The following R3HDM4 variants were observed in gnomAD, a reference collection of about 807,000 sequenced individuals.
R3HDM4 encodes R3H domain containing 4, also known as R3H domain-containing protein 4.
In R3HDM4, 30 loss-of-function variants were observed where a neutral mutation model predicts 31.3. The observed-to-expected ratio is 0.96, with a 90% CI of 0.72 to 1.30. R3HDM4 has a LOEUF of 1.30. Among genes scored for constraint, R3HDM4 ranks in the 50% most tolerant of loss-of-function variants. The probability of loss-of-function intolerance (pLI) is 0.00; values close to 1 mark genes in which losing one functional copy is unlikely to be tolerated. For synonymous variants in R3HDM4, 196 were observed against 156.6 expected, an observed-to-expected ratio of 1.25 and a Z score of -1.88; for missense variants, 444 against 366.1, an observed-to-expected ratio of 1.21 and a Z score of -1.74.
chr19:899,637 G>C lies in R3HDM4; in HGVS notation c.611C>G (p.Ser204Cys). The change falls in exon 6 of 8, where the codon TCC becomes TGC. Residue 204 changes from serine to cysteine, a missense_variant. Transcript: ENST00000361574. This position sits in a 1 kb window ranked among gnomAD's most constrained non-coding sequence, Gnocchi z 6.8. The part of the protein sequence containing the change: ...EERLLRFFSV[S>C]PQAVYTAMLD... Reference sequence around the variant, plus strand: ...CATTGCTGTGTACACGGCCTGGGGGGACACGGAGAAGAACCGAAGCAGCCG... The same window carrying C: ...CATTGCTGTGTACACGGCCTGGGGGCACACGGAGAAGAACCGAAGCAGCCG... 1 of 1,607,972 alleles carries C rather than the reference G, an allele frequency of 6.2e-7. No homozygotes were observed. Among genetic ancestry groups the C allele is most frequent in the South Asian group, 1.1e-5 (1 of 90,912 alleles).
In R3HDM4 at chr19:896,941, C is replaced by T. The variant is rs1007398204; in HGVS notation, c.*496G>A. On this transcript the variant is annotated 3_prime_UTR_variant, in exon 8 of 8. Transcript: ENST00000361574. This position sits in a 1 kb window ranked among gnomAD's most constrained non-coding sequence, Gnocchi z 4.0. ...ATGCTTCTGGCATGAGGGGCAGGGT[C>T]CCAGAGACCCCACCCTCATTCAAGC... The T allele has an allele frequency of 6.4e-6, 1 of 155,494 alleles. No individual in the cohort carries two copies. The allele number at this position is 155,494 out of a possible 1,614,324, so 9.6% of individuals were successfully genotyped here.
In R3HDM4 at chr19:907,456, G is replaced by A. The variant is rs1040476508; in HGVS notation, c.72-5326C>T. ...AGCCCTCGGGGAAGTCAGAGGGGGC[G>A]GGGCTCGGTGACACAGCTCAAGCCC... On this transcript the variant is annotated intron_variant, in intron 1 of 7. Transcript: ENST00000361574. The surrounding 1 kb of genome is among the most constrained non-coding windows in gnomAD (Gnocchi z 4.1). 5.3e-5 allele frequency among the ~76,000 whole-genome samples: 8 copies of A among 152,080 alleles called. No homozygotes were observed. Among genetic ancestry groups the A allele is most frequent in the South Asian group, 2.1e-4 (1 of 4,822 alleles).
intron 7 of R3HDM4, among the ~76,000 whole-genome samples, chr19:897,771 G>A (rs950837828): frequency 6.6e-5 from 10 of 152,206 alleles, no homozygotes; most frequent in South Asian, 2.1e-4. Flanking sequence ...CTCACTCCCC[G>A]CTGGCACTCA....
chr19:905,661 G>T, intron 1 of R3HDM4, among the ~76,000 whole-genome samples: 1 of 150,338 alleles, frequency 6.7e-6, no homozygotes. Flanking sequence ...CTCCAGCCTG[G>T]GCGACAGAGC....
chr19:897,384 C>T lies in R3HDM4; in HGVS notation c.*53G>A, dbSNP rs551876745. The T allele has an allele frequency of 9.7e-6, 13 of 1,333,956 alleles. No individual in the cohort carries two copies. Among genetic ancestry groups the T allele is most frequent in the East Asian group, 4.9e-5 (2 of 41,096 alleles). The allele number at this position is 1,333,956 out of a possible 1,614,324, so 82.6% of individuals were successfully genotyped here. ...TGAAAGATATTTTAGCCGAAGGTATCGGAGGGCTTGATGGCTGGGCGAGGT... is the reference window on the plus strand; with the variant it reads ...TGAAAGATATTTTAGCCGAAGGTATTGGAGGGCTTGATGGCTGGGCGAGGT... On this transcript the variant is annotated 3_prime_UTR_variant, in exon 8 of 8. Coordinates refer to ENST00000361574, the MANE Select transcript of R3HDM4 (RefSeq NM_138774.4).
At chr19:903,530 G>A (rs1202525100) in intron 1 of R3HDM4, among the ~76,000 whole-genome samples, 1 of 152,026 alleles carries the variant, frequency 6.6e-6, no homozygotes, top group African/African-American at 2.4e-5. Flanking sequence ...GGCGCGCACC[G>A]CAGCCACCCG....
rs1208768013 is a variant in R3HDM4, at chr19:901,197, G to A, written c.351+225C>T. On this transcript the variant is annotated intron_variant, in intron 3 of 7. Transcript: ENST00000361574. ...GAAACACTCCTGCAATCGTTGGAGG[G>A]TTCCCAAACGTGTTGGGCAGGTGAA... The A allele has an allele frequency of 1.7e-5, 11 of 665,428 alleles. No homozygotes were observed. The East Asian group carries it at 2.8e-4, about 17-fold the overall frequency. 41.2% of individuals were successfully genotyped at this position (665,428 alleles called of 1,614,324 possible). A position where few individuals can be genotyped will look rare whatever the true frequency, so the allele number is the denominator to read the frequency against.
intron 2 of R3HDM4, 31 bp from the exon 3 acceptor site, chr19:901,577 G>A: frequency 6.3e-7 from 1 of 1,585,260 alleles, no homozygotes; most frequent in Non-Finnish European, 8.6e-7. Context: ...TCTGGGCCGG[G>A]GTGGCATTTG....
In R3HDM4 at chr19:908,889, C is replaced by T. The variant is rs1360699977; in HGVS notation, c.71+4198G>A. Reference sequence around the variant, plus strand: ...GGCCCACAGAACAAGACAGGGTCCGCCCCCCGCCCACCGCCGCCCCCCGGT... The same window carrying T: ...GGCCCACAGAACAAGACAGGGTCCGTCCCCCGCCCACCGCCGCCCCCCGGT... On this transcript the variant is annotated intron_variant, in intron 1 of 7. Transcript: ENST00000361574. Among the ~76,000 whole-genome samples the T allele has an allele frequency of 2.0e-5, 3 of 152,234 alleles. No homozygotes were observed. In the South Asian group the frequency reaches 6.2e-4, roughly 32 times the overall value.
At chr19:901,053 G>A (rs949816822) in intron 3 of R3HDM4, 101 bp from the exon 4 acceptor site, 2 of 1,390,110 alleles carry the variant, frequency 1.4e-6, no homozygotes, top group Non-Finnish European at 1.9e-6. Context: ...ACGTGGACGC[G>A]CTCCTGCGGT....
rs896204381 is a variant in R3HDM4 at position 913,178 on chromosome 19, C to T, written c.-21G>A. On this transcript the variant is annotated 5_prime_UTR_variant, in exon 1 of 8. Coordinates refer to ENST00000361574, the MANE Select transcript of R3HDM4 (RefSeq NM_138774.4). This position sits in a 1 kb window ranked among gnomAD's most constrained non-coding sequence, Gnocchi z 5.0. ...ACCATGGCTCGCACGCTGTCGCCGC[C>T]GCCGCCGCCCGGCAGGGCCTTCACC... 4.1e-5 allele frequency: 43 copies of T among 1,060,368 alleles called. No homozygotes were observed. Among genetic ancestry groups the T allele is most frequent in the Non-Finnish European group, 4.8e-5 (42 of 881,116 alleles). 65.7% of individuals were successfully genotyped at this position (1,060,368 alleles called of 1,614,324 possible). A position where few individuals can be genotyped will look rare whatever the true frequency, so the allele number is the denominator to read the frequency against.
chr19:904,055 G>C (rs1337738574), intron 1 of R3HDM4, among the ~76,000 whole-genome samples: 7 of 152,010 alleles, frequency 4.6e-5, no homozygotes, highest in African/African-American at 1.7e-4. Context: ...TGTCTCAAAA[G>C]CCAAACAAAC....
At chr19:908,939 G>A (rs939583840) in intron 1 of R3HDM4, among the ~76,000 whole-genome samples, 3 of 152,220 alleles carry the variant, frequency 2.0e-5, no homozygotes, top group African/African-American at 4.8e-5. Context: ...GGCCCACAGC[G>A]GCGCTCACTG....
intron 1 of R3HDM4, among the ~76,000 whole-genome samples, chr19:908,221 A>G (rs1325910451): frequency 6.6e-6 from 1 of 151,900 alleles, no homozygotes; most frequent in Non-Finnish European, 1.5e-5. Context: ...AACAAAAACA[A>G]AAAAACATCT....
chr19:913,079 G>A lies in R3HDM4; in HGVS notation c.71+8C>T, dbSNP rs1006024136. 9.4e-4 allele frequency: 934 copies of A among 988,574 alleles called. 5 individuals are homozygous for A. The highest frequency in any genetic ancestry group is 1.2e-3 in the Admixed American group (21 of 18,022). The allele number at this position is 988,574 out of a possible 1,614,324, so 61.2% of individuals were successfully genotyped here. ...GGCGCCCGCCGCGCCCCGCCCGCCC[G>A]CGCTCACAGCAGCCGCCGCCCGCCC... On this transcript the variant is annotated splice_region_variant and intron_variant, in intron 1 of 7. Coordinates refer to ENST00000361574, the MANE Select transcript of R3HDM4 (RefSeq NM_138774.4). This position sits in a 1 kb window ranked among gnomAD's most constrained non-coding sequence, Gnocchi z 5.0.
chr19:907,729 C>A lies in R3HDM4; in HGVS notation c.71+5358G>T, dbSNP rs1449159863. Among the ~76,000 whole-genome samples, 4 of 152,184 alleles carry A rather than the reference C, an allele frequency of 2.6e-5. No individual in the cohort carries two copies. The highest frequency in any genetic ancestry group is 9.7e-5 in the African/African-American group (4 of 41,434). ...TGCTCCAGCACAGCCCATGGCTCCC[C>A]AGCATCCCAGGGCCAGGCCTGGCTC... is the stretch of plus-strand genomic sequence containing the variant. On this transcript the variant is annotated intron_variant, in intron 1 of 7. Transcript: ENST00000361574. The surrounding 1 kb of genome is among the most constrained non-coding windows in gnomAD (Gnocchi z 4.1).
chr19:911,439 G>C (rs1010347602), intron 1 of R3HDM4, among the ~76,000 whole-genome samples: 1 of 152,222 alleles, frequency 6.6e-6, no homozygotes, highest in Non-Finnish European at 1.5e-5. Context: ...GCGAGACTCC[G>C]TCTCAAAATA....
chr19:908,253 G>C (rs1197950785), intron 1 of R3HDM4, among the ~76,000 whole-genome samples: 1 of 151,842 alleles, frequency 6.6e-6, no homozygotes, highest in African/African-American at 2.4e-5. Flanking sequence ...TAGACAGGGG[G>C]GCCTGGGAGT....
Position 899,922 on chromosome 19 carries a change from G to A in R3HDM4, c.561+139C>T, listed in dbSNP as rs2145283449. 1.1e-6 allele frequency: 1 copy of A among 942,038 alleles called. No homozygotes were observed. The allele number at this position is 942,038 out of a possible 1,614,324, so 58.4% of individuals were successfully genotyped here. On this transcript the variant is annotated intron_variant, in intron 5 of 7. Transcript: ENST00000361574. This position sits in a 1 kb window ranked among gnomAD's most constrained non-coding sequence, Gnocchi z 6.8. ...TTCGTTGCCCCCGCCCTCCTACTCA[G>A]GGCCCTGGTGCCGCTGTCTGTATCC...
Sources: gnomAD v4.1 joint callset for allele counts (sites outside exome capture counted in the v4.1 genomes callset) on GRCh38, gnomAD v4.1.1 for gene constraint, Gnocchi (gnomAD v3.1) non-coding constraint, MANE v1.5 for transcripts, NCBI Gene and HGNC (gene_info 2026-07-23, HGNC 2026-07-21) for gene names.